Variants in CPS1 observed in about 807,000 individuals in gnomAD.
CPS1 encodes carbamoyl-phosphate synthase 1.
In CPS1, 109 loss-of-function variants were observed where a neutral mutation model predicts 174.6. That is an observed-to-expected ratio of 0.62 (90% confidence interval 0.53 to 0.73). The LOEUF (loss-of-function observed/expected upper bound fraction) is 0.73, where lower values mean the gene tolerates loss of function less well. Ranked by LOEUF, CPS1 falls within the 30% of genes least tolerant of loss-of-function variation. The pLI is 0.00. For synonymous variants in CPS1, 637 were observed against 632.0 expected, an observed-to-expected ratio of 1.01 and a Z score of -0.12; for missense variants, 1,689 against 1,821.9, an observed-to-expected ratio of 0.93 and a Z score of 1.33.
chr2:210,495,349 T>C (rs1444389545), intron 1 of CPS1, among the ~76,000 whole-genome samples: 1 of 152,166 alleles, frequency 6.6e-6, no homozygotes, highest in Non-Finnish European at 1.5e-5. Flanking sequence ...AGAACTGGCA[T>C]CTTTCTGTGA....
intron 1 of CPS1, among the ~76,000 whole-genome samples, chr2:210,536,548 G>A (rs1033699734): frequency 1.3e-5 from 2 of 152,002 alleles, no homozygotes; most frequent in African/African-American, 4.8e-5. Context: ...GGATGGCTAC[G>A]ATCTCCTAAC....
At chr2:210,574,866 T>C in intron 2 of CPS1, among the ~76,000 whole-genome samples, 1 of 94,380 alleles carries the variant, frequency 1.1e-5, no homozygotes, top group East Asian at 2.9e-4. Context: ...TAAAATCAAA[T>C]TAATTAAAGT....
At chr2:210,619,000 G>C (rs1247508756) in intron 21 of CPS1, 2 of 152,022 alleles carry the variant, frequency 1.3e-5, no homozygotes, top group East Asian at 3.9e-4. Context: ...TTTAGCTGTA[G>C]GCCTAGGAGC....
Position 210,590,784 on chromosome 2 carries a change from A to G in CPS1, c.841-16A>G. The G allele has an allele frequency of 6.2e-7, 1 of 1,603,396 alleles. No individual in the cohort carries two copies. Among genetic ancestry groups the G allele is most frequent in the Non-Finnish European group, 8.5e-7 (1 of 1,171,628 alleles). ...GAACTGTACTAATTGGTTAATAAAA[A>G]TTCTCCCTGATTTAGATTTTGGAGA... On this transcript the variant is annotated splice_polypyrimidine_tract_variant and intron_variant, in intron 8 of 37. Transcript: ENST00000233072.
At chr2:210,630,651 A>G (rs1574617076) in intron 21 of CPS1, among the ~76,000 whole-genome samples, 1 of 152,222 alleles carries the variant, frequency 6.6e-6, no homozygotes, top group East Asian at 1.9e-4. Flanking sequence ...AGAAACAGCC[A>G]TGGTACTCAA....
At chr2:210,564,603 C>T (rs1487384789) in intron 1 of CPS1, among the ~76,000 whole-genome samples, 6 of 152,014 alleles carry the variant, frequency 3.9e-5, no homozygotes, top group Non-Finnish European at 5.9e-5. Context: ...GTCTCGATCT[C>T]CTGACCTTGT....
intron 6 of CPS1, among the ~76,000 whole-genome samples, chr2:210,584,475 A>G (rs1388047075): frequency 6.6e-6 from 1 of 152,156 alleles, no homozygotes; most frequent in African/African-American, 2.4e-5. Context: ...GATTTTAAAT[A>G]GATGTATTCA....
chr2:210,600,920 A>C lies in CPS1; in HGVS notation c.1707+208A>C, dbSNP rs536028491. ...TAACATTTTACTTTATGCAAAGAGAAACAGAAGTCCAGAGATGAAGTGGTT... is the reference window on the plus strand; with the variant it reads ...TAACATTTTACTTTATGCAAAGAGACACAGAAGTCCAGAGATGAAGTGGTT... On this transcript the variant is annotated intron_variant, in intron 15 of 37. Transcript: ENST00000233072. Among the ~76,000 whole-genome samples, 10 of 152,038 alleles carry C rather than the reference A, an allele frequency of 6.6e-5. No individual in the cohort carries two copies. In the East Asian group the frequency reaches 2.0e-3, roughly 30 times the overall value.
chr2:210,654,148 T>C (rs1286189740), intron 29 of CPS1, 46 bp downstream of exon 29: 1 of 1,547,236 alleles, frequency 6.5e-7, no homozygotes, highest in Admixed American at 1.7e-5. Flanking sequence ...TTCTCATCAT[T>C]TTTTTCTTTA....
intron 1 of CPS1, among the ~76,000 whole-genome samples, chr2:210,514,980 T>C (rs1695640742): frequency 6.6e-6 from 1 of 151,734 alleles, no homozygotes; most frequent in African/African-American, 2.4e-5. Context: ...TTAATTCTCT[T>C]TATGTGGTAA....
At chr2:210,593,596 A>G (rs1698383067) in intron 11 of CPS1, 2 of 985,530 alleles carry the variant, frequency 2.0e-6, no homozygotes, top group Non-Finnish European at 1.2e-6. Flanking sequence ...AAAAATCTGA[A>G]GTCTATTGTG....
chr2:210,668,341 G>T (rs1473051692), intron 34 of CPS1, 57 bp downstream of exon 34: 13 of 1,205,006 alleles, frequency 1.1e-5, no homozygotes, highest in African/African-American at 3.0e-5. Flanking sequence ...GTGGGGAGGG[G>T]CAGGATAGAA....
chr2:210,526,886 T>C (rs1184104839), intron 1 of CPS1, among the ~76,000 whole-genome samples: 1 of 152,006 alleles, frequency 6.6e-6, no homozygotes, highest in Non-Finnish European at 1.5e-5. Context: ...ATCTTGTCAC[T>C]AATCAATCAA....
chr2:210,648,392 C>A, intron 26 of CPS1, 81 bp from the exon 27 acceptor site: 2 of 1,210,124 alleles, frequency 1.7e-6, no homozygotes, highest in Non-Finnish European at 1.2e-6. Context: ...TGGGCTACCA[C>A]TCGAGCTAAT....
At chr2:210,665,537 C>T (rs1701066395) in intron 33 of CPS1, among the ~76,000 whole-genome samples, 1 of 149,622 alleles carries the variant, frequency 6.7e-6, no homozygotes, top group Admixed American at 6.7e-5. Flanking sequence ...CATGTGTTCC[C>T]ATTGTTCAAT....
chr2:210,559,608 T>C (rs1697033014), intron 1 of CPS1, among the ~76,000 whole-genome samples: 1 of 152,168 alleles, frequency 6.6e-6, no homozygotes, highest in Non-Finnish European at 1.5e-5. Flanking sequence ...TTAGATACCA[T>C]AATCTTTTTC....
intron 21 of CPS1, among the ~76,000 whole-genome samples, chr2:210,621,988 T>G (rs1699544165): frequency 6.6e-6 from 1 of 151,986 alleles, no homozygotes; most frequent in Non-Finnish European, 1.5e-5. Flanking sequence ...ACTGAGAGAT[T>G]CAGCAGTTTC....
intron 19 of CPS1, among the ~76,000 whole-genome samples, chr2:210,610,514 G>A (rs1029298303): frequency 1.3e-5 from 2 of 151,834 alleles, no homozygotes; most frequent in Admixed American, 1.3e-4. Context: ...TTAATCTCTG[G>A]TAAATATTAA....
At chr2:210,558,020 A>C (rs1696973788) in intron 1 of CPS1, among the ~76,000 whole-genome samples, 1 of 151,546 alleles carries the variant, frequency 6.6e-6, no homozygotes, top group South Asian at 2.1e-4. Flanking sequence ...GAGAAGTGTG[A>C]GGGATGGGAG....
Sources: gnomAD v4.1 joint callset for allele counts (sites outside exome capture counted in the v4.1 genomes callset) on GRCh38, gnomAD v4.1.1 for gene constraint, MANE v1.5 for transcripts, NCBI Gene and HGNC (gene_info 2026-07-23, HGNC 2026-07-21) for gene names.